Variants in GABRB3 observed in about 807,000 individuals in gnomAD.
GABRB3 encodes gamma-aminobutyric acid receptor subunit beta-3.
Under a neutral mutation model 52.1 loss-of-function variants are expected in GABRB3, and 14 were observed. The observed-to-expected ratio is 0.27, with a 90% CI of 0.18 to 0.42. The LOEUF is 0.42. Among genes scored for constraint, GABRB3 ranks in the 10% least tolerant of loss-of-function variants. The pLI, the probability that GABRB3 is intolerant of heterozygous loss-of-function variation, is 1.00. For synonymous variants in GABRB3, 260 were observed against 232.3 expected (o/e 1.12, Z -1.08); for missense variants, 307 against 609.1 (o/e 0.50, Z 5.22).
chr15:26,750,793 A>T (rs1055361603), intron 3 of GABRB3, among the ~76,000 whole-genome samples: 1 of 152,244 alleles, frequency 6.6e-6, no homozygotes, highest in Non-Finnish European at 1.5e-5. Flanking sequence ...GATGCAGGCT[A>T]GAAAGTGAAG....
At chr15:26,649,753 T>C (rs551762731) in intron 3 of GABRB3, among the ~76,000 whole-genome samples, 3 of 149,754 alleles carry the variant, frequency 2.0e-5, no homozygotes, top group African/African-American at 7.4e-5. Flanking sequence ...AATGGACGGA[T>C]GGATGCATAG....
At chr15:26,684,158 G>A (rs892032798) in intron 3 of GABRB3, among the ~76,000 whole-genome samples, 10 of 152,054 alleles carry the variant, frequency 6.6e-5, no homozygotes, top group African/African-American at 2.4e-4. Context: ...GTGGGGGTGA[G>A]GAATATGCTC....
intron 3 of GABRB3, among the ~76,000 whole-genome samples, chr15:26,737,272 A>C (rs1188755686): frequency 6.6e-6 from 1 of 152,062 alleles, no homozygotes; most frequent in East Asian, 1.9e-4. Context: ...TCACTGTACA[A>C]AACAAGACTG....
intron 3 of GABRB3, among the ~76,000 whole-genome samples, chr15:26,756,415 A>AC (rs1170269098): frequency 2.6e-5 from 4 of 151,642 alleles, no homozygotes; most frequent in Non-Finnish European, 5.9e-5. Flanking sequence ...TAAAAAAAAA[A>AC]AAAAATAGAA....
At chr15:26,770,010 C>A (rs940547211) in intron 3 of GABRB3, among the ~76,000 whole-genome samples, 17 of 152,278 alleles carry the variant, frequency 1.1e-4, no homozygotes, top group Non-Finnish European at 2.4e-4. Context: ...CAGCTCTAAT[C>A]CTATGCTTAT....
intron 3 of GABRB3, among the ~76,000 whole-genome samples, chr15:26,717,519 G>A (rs1287412852): frequency 1.3e-5 from 2 of 152,116 alleles, no homozygotes; most frequent in Admixed American, 1.3e-4. Context: ...TGGGTTCCAG[G>A]GAAGATGCTA....
At chr15:26,649,670 G>GTGTGTGTA (rs1438939598) in intron 3 of GABRB3, among the ~76,000 whole-genome samples, 1 of 151,230 alleles carries the variant, frequency 6.6e-6, no homozygotes, top group Non-Finnish European at 1.5e-5. Flanking sequence ...GTGTGTGTGT[G>GTGTGTGTA]TGTGTGTGTG....
At chr15:26,706,409 C>A (rs999188671) in intron 3 of GABRB3, among the ~76,000 whole-genome samples, 1 of 149,620 alleles carries the variant, frequency 6.7e-6, no homozygotes, top group Non-Finnish European at 1.5e-5. Flanking sequence ...AGGTAATAGT[C>A]ACTTAGGGCT....
intron 4 of GABRB3, among the ~76,000 whole-genome samples, chr15:26,609,979 T>C (rs1205926814): frequency 6.6e-6 from 1 of 152,126 alleles, no homozygotes; most frequent in Non-Finnish European, 1.5e-5. Context: ...TTGAGTTCTT[T>C]TCTCTGGAAA....
chr15:26,756,932 T>G (rs1595350184), intron 3 of GABRB3, among the ~76,000 whole-genome samples: 1 of 152,166 alleles, frequency 6.6e-6, no homozygotes, highest in Admixed American at 6.5e-5. Context: ...TTAGAAACTA[T>G]GTACCCAACA....
intron 7 of GABRB3, among the ~76,000 whole-genome samples, chr15:26,562,505 G>A (rs1276099068): frequency 5.9e-5 from 9 of 152,210 alleles, no homozygotes; most frequent in African/African-American, 2.2e-4. Flanking sequence ...AAGAGGTAGT[G>A]CCAGCCCTAC....
intron 3 of GABRB3, among the ~76,000 whole-genome samples, chr15:26,679,834 C>T (rs1752777495): frequency 6.6e-6 from 1 of 152,190 alleles, no homozygotes; most frequent in Non-Finnish European, 1.5e-5. Flanking sequence ...ACTCCTCACT[C>T]TCTAAGGCAC....
intron 5 of GABRB3, among the ~76,000 whole-genome samples, chr15:26,582,139 C>A (rs373919707): frequency 2.6e-5 from 4 of 152,202 alleles, no homozygotes; most frequent in Admixed American, 2.6e-4. Flanking sequence ...AGAGAAGGGA[C>A]CTCACACATG....
At chr15:26,570,060 A>C (rs919011815) in intron 6 of GABRB3, among the ~76,000 whole-genome samples, 3 of 152,144 alleles carry the variant, frequency 2.0e-5, no homozygotes, top group African/African-American at 7.2e-5. Context: ...AATGGCTTTG[A>C]GTGGAGGACA....
rs555867001 is a variant in GABRB3, at chr15:26,545,281, G to C, written c.*2512C>G. Reference sequence around the variant, plus strand: ...TTAACTTCATCGCAGTGTCTACAAAGTTGTGGATCCCAGTCTTGGTGCCAA... The same window carrying C: ...TTAACTTCATCGCAGTGTCTACAAACTTGTGGATCCCAGTCTTGGTGCCAA... On this transcript the variant is annotated 3_prime_UTR_variant, in exon 9 of 9. Transcript: ENST00000311550. The C allele has an allele frequency of 2.5e-4, 38 of 152,156 alleles. No individual in the cohort carries two copies. Among genetic ancestry groups the C allele is most frequent in the Non-Finnish European group, 5.1e-4 (35 of 67,998 alleles). 9.4% of individuals were successfully genotyped at this position (152,156 alleles called of 1,614,324 possible). A position where few individuals can be genotyped will look rare whatever the true frequency, so the allele number is the denominator to read the frequency against.
intron 3 of GABRB3, among the ~76,000 whole-genome samples, chr15:26,678,242 T>A (rs1023962300): frequency 2.6e-5 from 4 of 152,208 alleles, no homozygotes; most frequent in African/African-American, 9.6e-5. Context: ...CTCAGGAGGC[T>A]GACTGCAGGG....
At chr15:26,620,706 T>C (rs913231780) in intron 4 of GABRB3, among the ~76,000 whole-genome samples, 2 of 152,198 alleles carry the variant, frequency 1.3e-5, no homozygotes, top group Admixed American at 6.5e-5. Context: ...TGGAGCTCTA[T>C]GGAAAGGCCT....
At chr15:26,562,394 C>T (rs1360925337) in intron 7 of GABRB3, among the ~76,000 whole-genome samples, 2 of 152,180 alleles carry the variant, frequency 1.3e-5, no homozygotes, top group African/African-American at 4.8e-5. Flanking sequence ...CTCCGCATTG[C>T]TTTGTCAGGC....
In GABRB3 at chr15:26,618,854, G is replaced by A. The variant is rs370413069; in HGVS notation, c.461+2460C>T. 2.0e-3 allele frequency among the ~76,000 whole-genome samples: 298 copies of A among 151,752 alleles called. 5 individuals carry two copies. The East Asian group carries it at 0.034, about 18-fold the overall frequency. On this transcript the variant is annotated intron_variant, in intron 4 of 8. Coordinates refer to ENST00000311550, the MANE Select transcript of GABRB3 (RefSeq NM_000814.6). ...CAAACAATCCCATCAAAAAGTGGGC[G>A]AAGGACATGAACAGACACTTCTCAA...
Sources: allele counts gnomAD v4.1 joint callset (sites outside exome capture counted in the v4.1 genomes callset), GRCh38; gene constraint gnomAD v4.1.1; transcripts MANE v1.5; gene names NCBI Gene and HGNC (gene_info 2026-07-23, HGNC 2026-07-21).